Variants in NUP210L observed in about 807,000 individuals in gnomAD.
NUP210L encodes nuclear pore membrane glycoprotein 210-like.
In NUP210L, 74 loss-of-function variants were observed where a neutral mutation model predicts 208.5. The ratio of observed to expected loss-of-function variants is 0.35; its 90% CI spans 0.29 to 0.43. The LOEUF (loss-of-function observed/expected upper bound fraction) is 0.43, where lower values mean the gene tolerates loss of function less well. Among genes scored for constraint, NUP210L ranks in the 20% least tolerant of loss-of-function variants. The pLI is 1.00. For synonymous variants in NUP210L, 780 were observed against 816.9 expected, an observed-to-expected ratio of 0.95 and a Z score of 0.77; for missense variants, 1,843 against 2,289.4, an observed-to-expected ratio of 0.81 and a Z score of 3.98.
chr1:154,076,377 C>A (rs980739011), intron 16 of NUP210L, among the ~76,000 whole-genome samples: 1 of 152,070 alleles, frequency 6.6e-6, no homozygotes, highest in East Asian at 1.9e-4. Context: ...GCTGGGATTA[C>A]AAACATGAGC....
chr1:154,063,292 AG>A (rs1654234555), intron 17 of NUP210L, among the ~76,000 whole-genome samples: 1 of 152,236 alleles, frequency 6.6e-6, no homozygotes, highest in East Asian at 1.9e-4. Flanking sequence ...ATTTCAGCCC[AG>A]TGAAGATGTG....
At chr1:154,132,373 G>C (rs1242052590) in intron 7 of NUP210L, among the ~76,000 whole-genome samples, 1 of 152,062 alleles carries the variant, frequency 6.6e-6, no homozygotes, top group East Asian at 1.9e-4. Context: ...CTCCTCCGGA[G>C]GCATAATGAA....
chr1:154,126,303 A>T lies in NUP210L; in HGVS notation c.1326+20T>A. 1 of 1,604,978 alleles carries T rather than the reference A, an allele frequency of 6.2e-7. No individual in the cohort carries two copies. The highest frequency in any genetic ancestry group is 8.5e-7 in the Non-Finnish European group (1 of 1,175,918). On this transcript the variant is annotated intron_variant, in intron 10 of 39. Coordinates refer to ENST00000368559, the Ensembl canonical transcript of NUP210L. ...TCTTCAGTGTTCTTAGAATACAAAC[A>T]CTGTCTGTTTAATTCCTACCTGGTA...
At chr1:154,066,324 A>G (rs1654411858) in intron 17 of NUP210L, among the ~76,000 whole-genome samples, 1 of 152,176 alleles carries the variant, frequency 6.6e-6, no homozygotes. Context: ...TCAAGAAATC[A>G]ATGAATCGCT....
chr1:154,008,801 G>A (rs1000169786), intron 35 of NUP210L, among the ~76,000 whole-genome samples: 2 of 152,154 alleles, frequency 1.3e-5, no homozygotes, highest in African/African-American at 4.8e-5. Context: ...ATTATAAACA[G>A]TTTGCTGAAT....
intron 14 of NUP210L, among the ~76,000 whole-genome samples, chr1:154,096,136 T>A (rs1656169900): frequency 6.6e-6 from 1 of 152,146 alleles, no homozygotes; most frequent in Non-Finnish European, 1.5e-5. Context: ...GATGTTCCCC[T>A]CCCTGTGTCC....
At chr1:154,063,966 A>G (rs970930333) in intron 17 of NUP210L, among the ~76,000 whole-genome samples, 5 of 149,542 alleles carry the variant, frequency 3.3e-5, no homozygotes, top group African/African-American at 4.9e-5. Flanking sequence ...ATATATATGT[A>G]TGATATGGTA....
chr1:154,038,956 TTA>T (rs1248354339), intron 27 of NUP210L, among the ~76,000 whole-genome samples: 1 of 152,184 alleles, frequency 6.6e-6, no homozygotes, highest in Admixed American at 6.5e-5. Context: ...TTATATCTTA[TTA>T]TATTGTCTTT....
chr1:154,005,044 G>C (rs777601086), intron 35 of NUP210L, among the ~76,000 whole-genome samples: 18 of 150,558 alleles, frequency 1.2e-4, no homozygotes, highest in Non-Finnish European at 2.1e-4. Context: ...AGTAGAGACA[G>C]GGTTTCACCA....
At chr1:154,066,115 C>A (rs1654402525) in intron 17 of NUP210L, among the ~76,000 whole-genome samples, 1 of 152,002 alleles carries the variant, frequency 6.6e-6, no homozygotes, top group Admixed American at 6.6e-5. Context: ...CTCTGGGACA[C>A]ATTTAAAGTA....
At chr1:154,112,596 T>G (rs1032440429) in intron 12 of NUP210L, among the ~76,000 whole-genome samples, 6 of 151,836 alleles carry the variant, frequency 4.0e-5, no homozygotes, top group African/African-American at 1.5e-4. Context: ...ACCTGAAGAT[T>G]AAAAATTACA....
Position 154,012,229 on chromosome 1 carries a change from G to A in NUP210L, c.4780+15C>T. On this transcript the variant is annotated intron_variant, in intron 34 of 39. Coordinates refer to ENST00000368559, the Ensembl canonical transcript of NUP210L. ...AGATAGGAACAATCACTGAAACCAT[G>A]AAGAGATTCCTGACCTTTAAGATTG... 6.2e-7 allele frequency: 1 copy of A among 1,612,016 alleles called. No individual in the cohort carries two copies. The highest frequency in any genetic ancestry group is 8.5e-7 in the Non-Finnish European group (1 of 1,179,164).
intron 27 of NUP210L, among the ~76,000 whole-genome samples, chr1:154,041,420 T>G (rs572279086): frequency 6.6e-6 from 1 of 152,316 alleles, no homozygotes; most frequent in African/African-American, 2.4e-5. Context: ...AACCTCTGTC[T>G]ACCAAGTTCA....
At chr1:154,086,149 T>C (rs1297443771) in intron 16 of NUP210L, among the ~76,000 whole-genome samples, 3 of 150,804 alleles carry the variant, frequency 2.0e-5, no homozygotes, top group East Asian at 1.9e-4. Flanking sequence ...GAGGCAGAGA[T>C]TGCAGTGAGC....
intron 24 of NUP210L, 72 bp downstream of exon 24, chr1:154,054,696 AGG>A: frequency 9.6e-7 from 1 of 1,038,908 alleles, no homozygotes; most frequent in Middle Eastern, 2.0e-4. Context: ...ATAGGAAGAG[AGG>A]TGTGTGTGTG....
Position 154,000,755 on chromosome 1 carries a change from A to C in NUP210L, c.5386+101T>G. 4.1e-6 allele frequency: 4 copies of C among 984,358 alleles called. No homozygotes were observed. In the South Asian group the frequency reaches 5.7e-5, roughly 14 times the overall value. 61.0% of individuals were successfully genotyped at this position (984,358 alleles called of 1,614,324 possible). On this transcript the variant is annotated intron_variant, in intron 37 of 39. Transcript: ENST00000368559. ...ATTTTTGGACCGTGGTTGACAGTTA[A>C]GTGAAATGCGGAAAGCAAAACTGCA...
chr1:154,057,690 A>ATGTGTG (rs4060104), intron 22 of NUP210L, among the ~76,000 whole-genome samples: 16,110 of 125,284 alleles, frequency 0.13, 1,366 homozygotes, highest in East Asian at 0.25. Context: ...AGGACCTCGA[A>ATGTGTG]TGTGTGTGTG....
In NUP210L at chr1:153,996,848, CTT is replaced by C. The variant is rs747835495; in HGVS notation, c.5387-1670_5387-1669del. Reference sequence around the variant, plus strand: ...ATCCTCAATAAAACTGTAGACTTGCCTTTTTTTTTTTTTTTTTTTTTGAGACA... The same window carrying C: ...ATCCTCAATAAAACTGTAGACTTGCCTTTTTTTTTTTTTTTTTTTGAGACA... On this transcript the variant is annotated intron_variant, in intron 37 of 39. Coordinates refer to ENST00000368559, the Ensembl canonical transcript of NUP210L. 1.6e-3 allele frequency among the ~76,000 whole-genome samples: 171 copies of C among 103,722 alleles called. 1 individual carries two copies. Among genetic ancestry groups the C allele is most frequent in the African/African-American group, 5.0e-3 (143 of 28,380 alleles). 68.0% of individuals were successfully genotyped at this position (103,722 alleles called of 152,430 possible). A position where few individuals can be genotyped will look rare whatever the true frequency, so the allele number is the denominator to read the frequency against.
intron 16 of NUP210L, among the ~76,000 whole-genome samples, chr1:154,077,892 G>A (rs1320313681): frequency 6.6e-6 from 1 of 152,080 alleles, no homozygotes; most frequent in Non-Finnish European, 1.5e-5. Flanking sequence ...GGCTGAGACA[G>A]GAGAATTGCT....
Sources: allele counts gnomAD v4.1 joint callset (sites outside exome capture counted in the v4.1 genomes callset), GRCh38; gene constraint gnomAD v4.1.1; transcripts MANE v1.5; gene names NCBI Gene and HGNC (gene_info 2026-07-23, HGNC 2026-07-21).